Variants in EXOC4 observed in about 807,000 individuals in gnomAD.
EXOC4 encodes SEC8-like 1.
Under a neutral mutation model 107.2 loss-of-function variants are expected in EXOC4, and 71 were observed. That is an observed-to-expected ratio of 0.66 (90% CI 0.55 to 0.81). The LOEUF (loss-of-function observed/expected upper bound fraction) is 0.81, where lower values mean the gene tolerates loss of function less well. Ranked by LOEUF, EXOC4 falls within the 30% of genes least tolerant of loss-of-function variation. EXOC4 has a pLI of 0.00. For missense variants in EXOC4, 1,108 were observed against 1,189.6 expected, an observed-to-expected ratio of 0.93 and a Z score of 1.01; for synonymous variants, 456 against 441.2, an observed-to-expected ratio of 1.03 and a Z score of -0.42.
intron 1 of EXOC4, among the ~76,000 whole-genome samples, chr7:133,273,225 T>C (rs1187299419): frequency 6.6e-6 from 1 of 152,250 alleles, no homozygotes. Flanking sequence ...ACATGATACA[T>C]GCTAAGCTGC....
At chr7:133,539,575 A>C (rs779473441) in intron 9 of EXOC4, among the ~76,000 whole-genome samples, 1 of 148,870 alleles carries the variant, frequency 6.7e-6, no homozygotes. Flanking sequence ...TTAATCAAGA[A>C]TAGGAAAGTC....
intron 9 of EXOC4, among the ~76,000 whole-genome samples, chr7:133,538,945 G>C (rs1213886347): frequency 3.5e-5 from 3 of 86,142 alleles, no homozygotes; most frequent in South Asian, 1.1e-3. Flanking sequence ...ACTTAGCTCT[G>C]TGAAATAGCT....
Position 133,972,891 on chromosome 7 carries a change from G to A in EXOC4, c.2207-24601G>A, listed in dbSNP as rs73156965. 1.7e-3 allele frequency among the ~76,000 whole-genome samples: 259 copies of A among 152,268 alleles called. 1 individual carries two copies. Among genetic ancestry groups the A allele is most frequent in the Non-Finnish European group, 2.9e-3 (197 of 68,028 alleles). On this transcript the variant is annotated intron_variant, in intron 14 of 17. Transcript: ENST00000253861. ...GTGTCACTCTCCATCTTCTCCAGTA[G>A]GCATCCCCTGCTGAGGGAACAGACA...
At chr7:133,366,381 G>T (rs1796249412) in intron 6 of EXOC4, among the ~76,000 whole-genome samples, 8 of 152,168 alleles carry the variant, frequency 5.3e-5, no homozygotes, top group Admixed American at 5.2e-4. Flanking sequence ...TCTCTAGGAA[G>T]TCTGGTTTTA....
chr7:133,830,689 C>A (rs1204507958), intron 11 of EXOC4, among the ~76,000 whole-genome samples: 2 of 151,976 alleles, frequency 1.3e-5, no homozygotes, highest in Non-Finnish European at 2.9e-5. Flanking sequence ...TCCCATATAC[C>A]CCCACTTTCC....
At chr7:133,666,214 C>T (rs991384368) in intron 10 of EXOC4, among the ~76,000 whole-genome samples, 9 of 152,116 alleles carry the variant, frequency 5.9e-5, no homozygotes, top group African/African-American at 1.9e-4. Context: ...TTTTCTCCAT[C>T]CTTTAATGTC....
At chr7:133,326,373 C>CA (rs1330740070) in intron 5 of EXOC4, among the ~76,000 whole-genome samples, 2 of 152,150 alleles carry the variant, frequency 1.3e-5, no homozygotes. Flanking sequence ...TGGTGACGTA[C>CA]AGATGGGGTT....
chr7:133,646,843 T>G (rs1803004720), intron 10 of EXOC4, among the ~76,000 whole-genome samples: 1 of 152,202 alleles, frequency 6.6e-6, no homozygotes, highest in East Asian at 1.9e-4. Flanking sequence ...AATTTAAATA[T>G]ATTAGCATAT....
intron 10 of EXOC4, among the ~76,000 whole-genome samples, chr7:133,683,272 A>G (rs1386831597): frequency 6.6e-6 from 1 of 152,180 alleles, no homozygotes; most frequent in Non-Finnish European, 1.5e-5. Context: ...CAACAGGCTT[A>G]CTTTCAAAGA....
At chr7:133,792,938 A>C (rs1027634287) in intron 10 of EXOC4, among the ~76,000 whole-genome samples, 2 of 152,198 alleles carry the variant, frequency 1.3e-5, no homozygotes, top group African/African-American at 4.8e-5. Flanking sequence ...ATGGTGAGTC[A>C]TCCTCCCAGG....
At chr7:133,666,429 G>A (rs1314995865) in intron 10 of EXOC4, among the ~76,000 whole-genome samples, 3 of 152,066 alleles carry the variant, frequency 2.0e-5, no homozygotes, top group Non-Finnish European at 4.4e-5. Context: ...TATTAAGGTG[G>A]TGGACATTTT....
the EXOC4 span, among the ~76,000 whole-genome samples, chr7:134,100,298 TCCTTCC>T: frequency 1.4e-5 from 1 of 73,756 alleles, no homozygotes; most frequent in African/African-American, 3.8e-5. Context: ...CTGGAACAGC[TCCTTCC>T]CCAGCACCTT....
intron 11 of EXOC4, among the ~76,000 whole-genome samples, chr7:133,864,263 A>G (rs1798592455): frequency 6.6e-6 from 1 of 152,150 alleles, no homozygotes; most frequent in African/African-American, 2.4e-5. Flanking sequence ...TCATGTGTAC[A>G]ACAACTCTGT....
At chr7:133,878,713 G>GT (rs1205078380) in intron 11 of EXOC4, among the ~76,000 whole-genome samples, 21 of 151,758 alleles carry the variant, frequency 1.4e-4, no homozygotes, top group East Asian at 1.4e-3. Flanking sequence ...CTTTCATTTT[G>GT]TTTTTTTTAT....
At chr7:134,015,843 C>T (rs1022790932) in intron 17 of EXOC4, among the ~76,000 whole-genome samples, 5 of 147,604 alleles carry the variant, frequency 3.4e-5, no homozygotes, top group African/African-American at 5.1e-5. Context: ...CCACTGCACT[C>T]CAGCCTAGAG....
intron 7 of EXOC4, among the ~76,000 whole-genome samples, chr7:133,466,342 A>G (rs1298734942): frequency 6.6e-6 from 1 of 152,146 alleles, no homozygotes. Flanking sequence ...AGAATACCAA[A>G]AGAGAGAAGT....
chr7:133,774,195 A>T (rs1391695574), intron 10 of EXOC4, among the ~76,000 whole-genome samples: 3 of 152,102 alleles, frequency 2.0e-5, no homozygotes, highest in African/African-American at 7.2e-5. Flanking sequence ...AACATCCCCG[A>T]AGAGCCAGGC....
intron 9 of EXOC4, among the ~76,000 whole-genome samples, chr7:133,586,629 A>C (rs184434149): frequency 7.2e-5 from 11 of 152,316 alleles, no homozygotes; most frequent in Middle Eastern, 3.4e-3. Context: ...TCTTTCGGGT[A>C]TATACCCAAT....
At chr7:133,380,559 T>A (rs554817795) in intron 7 of EXOC4, among the ~76,000 whole-genome samples, 2 of 152,334 alleles carry the variant, frequency 1.3e-5, no homozygotes, top group South Asian at 2.1e-4. Context: ...TAGGTACTGA[T>A]CTACTTTTTG....
Sources: allele counts gnomAD v4.1 joint callset (sites outside exome capture counted in the v4.1 genomes callset), GRCh38; gene constraint gnomAD v4.1.1; transcripts MANE v1.5; gene names NCBI Gene and HGNC (gene_info 2026-07-23, HGNC 2026-07-21).